The following STK24 variants were observed in gnomAD, a reference collection of about 807,000 sequenced individuals.
STK24 encodes the protein serine/threonine kinase 24, also known as serine/threonine-protein kinase 24.
A neutral mutation model predicts 55.6 loss-of-function variants in STK24; 21 were observed. The observed-to-expected ratio is 0.38, with a 90% CI of 0.27 to 0.54. STK24 has a LOEUF of 0.54. STK24 is among the 20% of genes least tolerant of loss of function. The pLI is 0.79. For synonymous variants in STK24, 200 were observed against 215.2 expected (o/e 0.93, Z 0.62); for missense variants, 383 against 538.4 (o/e 0.71, Z 2.86).
At chr13:98,549,509 G>A (rs111375815) in intron 1 of STK24, among the ~76,000 whole-genome samples, 1,814 of 152,258 alleles carry the variant, frequency 0.012, 22 homozygotes, top group Non-Finnish European at 0.018. Context: ...TGGATCCCTC[G>A]CGGCTTGGTG....
At chr13:98,508,184 T>G (rs1895761185) in intron 2 of STK24, among the ~76,000 whole-genome samples, 1 of 152,012 alleles carries the variant, frequency 6.6e-6, no homozygotes, top group African/African-American at 2.4e-5. Context: ...AATAAATATA[T>G]TTGTAACCTA....
At chr13:98,508,985 T>C (rs1895787699) in intron 2 of STK24, 1 of 152,350 alleles carries the variant, frequency 6.6e-6, no homozygotes, top group African/African-American at 2.4e-5. Flanking sequence ...TAATTTGTAA[T>C]GAATTAATTT....
At chr13:98,492,074 C>CGCGT (rs1361247448) in intron 2 of STK24, among the ~76,000 whole-genome samples, 1,908 of 62,278 alleles carry the variant, frequency 0.031, 52 homozygotes, top group African/African-American at 0.098. Context: ...AAAGTGCGTG[C>CGCGT]GCGTGTGTGT....
intron 1 of STK24, among the ~76,000 whole-genome samples, chr13:98,533,740 G>A (rs1392188400): frequency 6.6e-6 from 1 of 151,580 alleles, no homozygotes; most frequent in Non-Finnish European, 1.5e-5. Context: ...TCAGTTTATC[G>A]CCTGTGGCCT....
chr13:98,576,174 C>A, intron 1 of STK24: 1 of 985,324 alleles, frequency 1.0e-6, no homozygotes, highest in Non-Finnish European at 1.2e-6. Flanking sequence ...GGGCTCCGGG[C>A]AAAGCCACTG....
rs978681678 is a variant in STK24 at position 98,445,489 on chromosome 13, G to A, written c.*7684C>T. 3 of 152,268 alleles carry A rather than the reference G, an allele frequency of 2.0e-5. No individual in the cohort carries two copies. The highest frequency in any genetic ancestry group is 4.4e-5 in the Non-Finnish European group (3 of 68,098). 9.4% of individuals were successfully genotyped at this position (152,268 alleles called of 1,614,324 possible). A position where few individuals can be genotyped will look rare whatever the true frequency, so the allele number is the denominator to read the frequency against. On this transcript the variant is annotated 3_prime_UTR_variant, in exon 11 of 11. Coordinates refer to ENST00000539966, the MANE Select transcript of STK24 (RefSeq NM_001032296.4). ...CGGCCCTGAGCCTGGAGGTGGGCAG[G>A]GCTGCAACTGCCTCCTGGGCCACTA... is the stretch of plus-strand genomic sequence containing the variant.
chr13:98,472,076 G>GAC (rs1307087286), intron 5 of STK24, among the ~76,000 whole-genome samples: 1 of 152,214 alleles, frequency 6.6e-6, no homozygotes, highest in Non-Finnish European at 1.5e-5. Flanking sequence ...CCACTGGAGG[G>GAC]ACACACACAG....
chr13:98,460,711 A>G (rs1182601833), intron 8 of STK24, among the ~76,000 whole-genome samples: 7 of 152,122 alleles, frequency 4.6e-5, no homozygotes, highest in Non-Finnish European at 1.0e-4. Flanking sequence ...GTGTGGGCAC[A>G]GGCGGTGAAC....
intron 1 of STK24, among the ~76,000 whole-genome samples, chr13:98,543,419 C>A (rs1353958789): frequency 6.6e-6 from 1 of 152,180 alleles, no homozygotes; most frequent in East Asian, 1.9e-4. Flanking sequence ...AATTCCCGGT[C>A]TGCCCAAACT....
chr13:98,571,204 C>T (rs1314586069), intron 1 of STK24, among the ~76,000 whole-genome samples: 1 of 152,216 alleles, frequency 6.6e-6, no homozygotes, highest in Non-Finnish European at 1.5e-5. Flanking sequence ...CGACAGGCTC[C>T]TCCCTTCAGT....
rs1385307522 is a variant in STK24 at position 98,451,513 on chromosome 13, T to C, written c.*1660A>G. ...AATAAAATACCTCAATTTTAGAGCTTAAAAACCAGACTGCACTAGCAAACC... is the reference window on the plus strand; with the variant it reads ...AATAAAATACCTCAATTTTAGAGCTCAAAAACCAGACTGCACTAGCAAACC... On this transcript the variant is annotated 3_prime_UTR_variant, in exon 11 of 11. Transcript: ENST00000539966. The C allele has an allele frequency of 2.0e-5, 3 of 152,134 alleles. No individual in the cohort carries two copies. Among genetic ancestry groups the C allele is most frequent in the African/African-American group, 7.2e-5 (3 of 41,424 alleles). The allele number at this position is 152,134 out of a possible 1,614,324, so 9.4% of individuals were successfully genotyped here.
chr13:98,524,420 G>A (rs1896360963), intron 1 of STK24, among the ~76,000 whole-genome samples: 1 of 152,180 alleles, frequency 6.6e-6, no homozygotes, highest in African/African-American at 2.4e-5. Context: ...AGACACTGGA[G>A]AGGCCACGTG....
intron 2 of STK24, among the ~76,000 whole-genome samples, chr13:98,499,506 A>G (rs1434934444): frequency 6.6e-6 from 1 of 152,198 alleles, no homozygotes; most frequent in East Asian, 1.9e-4. Flanking sequence ...CTGGCTCATC[A>G]GCTGAAAGAA....
chr13:98,483,169 G>A (rs1377209108), intron 2 of STK24, among the ~76,000 whole-genome samples: 1 of 152,242 alleles, frequency 6.6e-6, no homozygotes, highest in African/African-American at 2.4e-5. Context: ...CCTGGGCAGG[G>A]TCTGGATCCC....
chr13:98,501,626 T>G (rs1259927078), intron 2 of STK24, among the ~76,000 whole-genome samples: 1 of 152,082 alleles, frequency 6.6e-6, no homozygotes, highest in Non-Finnish European at 1.5e-5. Flanking sequence ...AGCTCATGTA[T>G]CCCATAAATA....
intron 10 of STK24, chr13:98,453,419 G>A: frequency 3.5e-6 from 2 of 569,098 alleles, no homozygotes; most frequent in South Asian, 2.4e-5. Flanking sequence ...TCCAGAGCAT[G>A]TCACCAAAAA....
At chr13:98,554,788 G>C (rs1897243104) in intron 1 of STK24, among the ~76,000 whole-genome samples, 1 of 152,162 alleles carries the variant, frequency 6.6e-6, no homozygotes. Flanking sequence ...GCCAAGGCAG[G>C]CAGATCACCT....
In STK24 at chr13:98,449,217, T is replaced by C. The variant is rs1893061244; in HGVS notation, c.*3956A>G. On this transcript the variant is annotated 3_prime_UTR_variant, in exon 11 of 11. Coordinates refer to ENST00000539966, the MANE Select transcript of STK24 (RefSeq NM_001032296.4). ...CTGCTGGCTGCAGAGCACTATGAAA[T>C]CATGGTACGTAGTCCCCGGCACCTG... The C allele has an allele frequency of 6.6e-6, 1 of 152,254 alleles. No homozygotes were observed. Among genetic ancestry groups the C allele is most frequent in the Non-Finnish European group, 1.5e-5 (1 of 68,066 alleles). 9.4% of individuals were successfully genotyped at this position (152,254 alleles called of 1,614,324 possible).
intron 9 of STK24, 89 bp from the exon 10 acceptor site, chr13:98,457,393 G>A: frequency 6.3e-7 from 1 of 1,592,464 alleles, no homozygotes; most frequent in Non-Finnish European, 8.5e-7. Context: ...ACGGCGTGTG[G>A]ACCACGACAC....
Sources: allele counts gnomAD v4.1 joint callset (sites outside exome capture counted in the v4.1 genomes callset), GRCh38; gene constraint gnomAD v4.1.1; transcripts MANE v1.5; gene names NCBI Gene and HGNC (gene_info 2026-07-23, HGNC 2026-07-21).